The following UBE2D1 variants were observed in gnomAD, a reference collection of about 807,000 sequenced individuals.
UBE2D1 encodes the protein ubiquitin conjugating enzyme E2 D1.
UBE2D1 carries 9 observed loss-of-function variants against 24.6 expected under a neutral mutation model. That is an observed-to-expected ratio of 0.37 (90% CI 0.22 to 0.64). The LOEUF is 0.64. UBE2D1 is among the 30% of genes least tolerant of loss of function. The probability of loss-of-function intolerance (pLI) is 0.64; values close to 1 mark genes in which losing one functional copy is unlikely to be tolerated. For missense variants in UBE2D1, 87 were observed against 177.1 expected (o/e 0.49, Z 2.89); for synonymous variants, 57 against 57.6 (o/e 0.99, Z 0.04).
In UBE2D1 at chr10:58,348,967, C is replaced by G. The variant is rs149921053; in HGVS notation, c.25-12371C>G. Among the ~76,000 whole-genome samples the G allele has an allele frequency of 5.2e-3, 799 of 152,288 alleles. 5 individuals carry two copies. The highest frequency in any genetic ancestry group is 0.018 in the African/African-American group (762 of 41,556). ...GTCTAGGTTGGTTTTATGGAGAACA[C>G]TCAGCATATTGTGGGGGTGTTATAA... On this transcript the variant is annotated intron_variant, in intron 1 of 6. Transcript: ENST00000373910.
chr10:58,339,362 T>C (rs1839938117), intron 1 of UBE2D1, among the ~76,000 whole-genome samples: 1 of 152,188 alleles, frequency 6.6e-6, no homozygotes, highest in South Asian at 2.1e-4. Context: ...CGCCTCAGCC[T>C]CCCAAAGTGC....
At chr10:58,368,139 T>C in intron 6 of UBE2D1, 123 bp downstream of exon 6, 1 of 674,608 alleles carries the variant, frequency 1.5e-6, no homozygotes, top group East Asian at 2.7e-5. Context: ...ATTGTTTATC[T>C]TTTTCCAATG....
chr10:58,364,723 T>G, intron 4 of UBE2D1, 48 bp from the exon 5 acceptor site: 2 of 1,420,550 alleles, frequency 1.4e-6, no homozygotes, highest in Non-Finnish European at 2.0e-6. Context: ...TTATTCATAG[T>G]TGATTCAAAG....
chr10:58,366,173 A>C (rs967824236), intron 5 of UBE2D1, among the ~76,000 whole-genome samples: 9 of 152,238 alleles, frequency 5.9e-5, no homozygotes, highest in Non-Finnish European at 1.0e-4. Flanking sequence ...TAAACTGCCA[A>C]GTCCTTATAC....
intron 4 of UBE2D1, among the ~76,000 whole-genome samples, 181 bp downstream of exon 4, chr10:58,363,867 T>TA (rs1840226640): frequency 6.6e-6 from 1 of 152,190 alleles, no homozygotes; most frequent in African/African-American, 2.4e-5. Flanking sequence ...AATACTGTAT[T>TA]AAGTCTATAA....
intron 1 of UBE2D1, among the ~76,000 whole-genome samples, chr10:58,348,742 T>C (rs1840042278): frequency 6.6e-6 from 1 of 152,234 alleles, no homozygotes; most frequent in Non-Finnish European, 1.5e-5. Context: ...TTAAGTTTTA[T>C]GGTAAATATG....
At chr10:58,366,019 T>C (rs1840251351) in intron 5 of UBE2D1, among the ~76,000 whole-genome samples, 1 of 152,216 alleles carries the variant, frequency 6.6e-6, no homozygotes, top group East Asian at 1.9e-4. Context: ...AGTATTCATA[T>C]AGATTCTCAT....
At chr10:58,339,164 G>A (rs552555035) in intron 1 of UBE2D1, among the ~76,000 whole-genome samples, 58 of 152,268 alleles carry the variant, frequency 3.8e-4, no homozygotes, top group African/African-American at 1.3e-3. Context: ...GGAATGCGGT[G>A]GCACAATCTC....
At chr10:58,357,203 G>A (rs557276153) in intron 1 of UBE2D1, among the ~76,000 whole-genome samples, 34 of 152,272 alleles carry the variant, frequency 2.2e-4, no homozygotes, top group African/African-American at 7.9e-4. Flanking sequence ...GAGTAGGGGA[G>A]AAGGGCAAGG....
chr10:58,361,263 C>T, intron 1 of UBE2D1, 75 bp from the exon 2 acceptor site: 3 of 1,441,618 alleles, frequency 2.1e-6, no homozygotes, highest in Non-Finnish European at 2.9e-6. Context: ...TAATAGTTTG[C>T]ATCTTAATGG....
chr10:58,361,602 GT>G, intron 3 of UBE2D1, 76 bp downstream of exon 3: 1 of 1,579,720 alleles, frequency 6.3e-7, no homozygotes, highest in Non-Finnish European at 8.7e-7. Flanking sequence ...TTGATCAGAT[GT>G]TTGTGATGAA....
chr10:58,349,532 A>C (rs557556547), intron 1 of UBE2D1, among the ~76,000 whole-genome samples: 1 of 152,242 alleles, frequency 6.6e-6, no homozygotes, highest in African/African-American at 2.4e-5. Context: ...AATTCTTTTC[A>C]TATACAGATT....
chr10:58,358,774 T>C (rs566782735), intron 1 of UBE2D1, among the ~76,000 whole-genome samples: 6 of 152,028 alleles, frequency 3.9e-5, no homozygotes, highest in African/African-American at 7.2e-5. Context: ...TTTTCTTTTT[T>C]TTTTTAAATG....
intron 1 of UBE2D1, among the ~76,000 whole-genome samples, chr10:58,345,558 A>C (rs1840007122): frequency 6.6e-6 from 1 of 152,212 alleles, no homozygotes; most frequent in African/African-American, 2.4e-5. Context: ...GTTATGTAGA[A>C]AAACAGGTAT....
chr10:58,362,181 C>T (rs1421411979), intron 3 of UBE2D1, among the ~76,000 whole-genome samples: 3 of 152,120 alleles, frequency 2.0e-5, no homozygotes, highest in African/African-American at 7.2e-5. Context: ...AGCAAAAAAT[C>T]TGATTGCATA....
rs1267533221 is a variant in UBE2D1 at position 58,335,052 on chromosome 10, G to T, written c.-150G>T. 3 of 796,272 alleles carry T rather than the reference G, an allele frequency of 3.8e-6. No individual in the cohort carries two copies. The highest frequency in any genetic ancestry group is 3.4e-5 in the South Asian group (2 of 59,142). 49.3% of individuals were successfully genotyped at this position (796,272 alleles called of 1,614,324 possible). On this transcript the variant is annotated 5_prime_UTR_variant, in exon 1 of 7. Transcript: ENST00000373910. ...CTCGGGCGCACACGGAGCAGGGACC[G>T]GCGCCCGGAGCGAGCCAGGGAGCGG...
intron 1 of UBE2D1, among the ~76,000 whole-genome samples, chr10:58,353,532 G>T (rs979508084): frequency 6.6e-6 from 1 of 152,134 alleles, no homozygotes; most frequent in East Asian, 1.9e-4. Flanking sequence ...AAACAATAAG[G>T]AATGTTTAGA....
At chr10:58,348,791 G>C (rs920995664) in intron 1 of UBE2D1, among the ~76,000 whole-genome samples, 1 of 152,154 alleles carries the variant, frequency 6.6e-6, no homozygotes, top group Admixed American at 6.5e-5. Context: ...CCTCTCTTCA[G>C]ATTGGCCTGT....
chr10:58,367,679 G>A (rs767430030), intron 5 of UBE2D1, among the ~76,000 whole-genome samples: 23 of 151,912 alleles, frequency 1.5e-4, no homozygotes, highest in Non-Finnish European at 2.8e-4. Context: ...ATGGGAACTC[G>A]GAATTTAAAA....
Sources: gnomAD v4.1 joint callset for allele counts (sites outside exome capture counted in the v4.1 genomes callset) on GRCh38, gnomAD v4.1.1 for gene constraint, MANE v1.5 for transcripts, NCBI Gene and HGNC (gene_info 2026-07-23, HGNC 2026-07-21) for gene names.